The following PTPRD variants were observed in gnomAD, a reference collection of about 807,000 sequenced individuals.
PTPRD encodes the protein receptor-type tyrosine-protein phosphatase delta.
Under a neutral mutation model 214.5 loss-of-function variants are expected in PTPRD, and 34 were observed. That is an observed-to-expected ratio of 0.16 (90% CI 0.12 to 0.21). The LOEUF (loss-of-function observed/expected upper bound fraction) is 0.21. PTPRD is among the 10% of genes least tolerant of loss of function. The probability of loss-of-function intolerance (pLI) is 1.00; values close to 1 mark genes in which losing one functional copy is unlikely to be tolerated. For synonymous variants in PTPRD, 1,128 were observed against 845.7 expected, an observed-to-expected ratio of 1.33 and a Z score of -5.79; for missense variants, 2,545 against 2,398.7, an observed-to-expected ratio of 1.06 and a Z score of -1.27.
At chr9:10,485,892 T>C (rs1407538608) in intron 2 of PTPRD, among the ~76,000 whole-genome samples, 1 of 152,118 alleles carries the variant, frequency 6.6e-6, no homozygotes, top group African/African-American at 2.4e-5. Context: ...TAGATACTAA[T>C]AATCCTTTGA....
chr9:9,172,622 T>C (rs1346579041), intron 10 of PTPRD, among the ~76,000 whole-genome samples: 1 of 152,150 alleles, frequency 6.6e-6, no homozygotes, highest in Non-Finnish European at 1.5e-5. Context: ...CTTCTGTATG[T>C]TCCCTAGGCA....
At chr9:10,581,094 T>G (rs753207026) in intron 2 of PTPRD, among the ~76,000 whole-genome samples, 1 of 152,178 alleles carries the variant, frequency 6.6e-6, no homozygotes, top group Non-Finnish European at 1.5e-5. Context: ...ATGCCATCTC[T>G]GGGCTTCAAT....
At chr9:8,988,494 T>C (rs1389397240) in intron 11 of PTPRD, among the ~76,000 whole-genome samples, 1 of 152,096 alleles carries the variant, frequency 6.6e-6, no homozygotes, top group Non-Finnish European at 1.5e-5. Flanking sequence ...GGTCAGATAA[T>C]AAAATGCTTG....
chr9:9,021,810 A>G (rs2099570737), intron 10 of PTPRD, among the ~76,000 whole-genome samples: 1 of 152,200 alleles, frequency 6.6e-6, no homozygotes, highest in African/African-American at 2.4e-5. Context: ...TAGAATGATA[A>G]TACAAAGAAA....
chr9:9,019,929 C>A (rs932906369), intron 10 of PTPRD, among the ~76,000 whole-genome samples: 3 of 151,920 alleles, frequency 2.0e-5, no homozygotes. Context: ...TTAACCTGGA[C>A]TCTATGTGAA....
Position 8,527,372 on chromosome 9 carries a change from A to G in PTPRD, c.542-19T>C. On this transcript the variant is annotated intron_variant, in intron 15 of 45. Coordinates refer to ENST00000381196, the MANE Select transcript of PTPRD (RefSeq NM_002839.4). ...ATAGATTCTGGAGATTTAAATACGG[A>G]GAGAAGAAAGACAGCATAAAAATAT... 1 of 1,605,322 alleles carries G rather than the reference A, an allele frequency of 6.2e-7. No homozygotes were observed. Among genetic ancestry groups the G allele is most frequent in the Non-Finnish European group, 8.5e-7 (1 of 1,175,274 alleles).
intron 7 of PTPRD, among the ~76,000 whole-genome samples, chr9:9,576,686 C>T (rs560289432): frequency 1.3e-5 from 2 of 152,142 alleles, no homozygotes; most frequent in South Asian, 4.2e-4. Context: ...TAAATATTAC[C>T]ATTGTAGAAT....
Position 8,813,269 on chromosome 9 carries a change from G to T in PTPRD, c.-103-79323C>A, listed in dbSNP as rs183644688. ...GAGGAAGCATTGAGGAAGGGCGGGG[G>T]GGCAGAGGCTGGAGGAAGAGGCCAG... is the stretch of plus-strand genomic sequence containing the variant. On this transcript the variant is annotated intron_variant, in intron 11 of 45. Transcript: ENST00000381196. Among the ~76,000 whole-genome samples the T allele has an allele frequency of 1.8e-3, 275 of 151,880 alleles. 1 individual carries two copies. Among genetic ancestry groups the T allele is most frequent in the African/African-American group, 6.4e-3 (264 of 41,302 alleles).
chr9:9,381,479 G>A (rs1307493504), intron 9 of PTPRD, among the ~76,000 whole-genome samples: 1 of 150,734 alleles, frequency 6.6e-6, no homozygotes, highest in Non-Finnish European at 1.5e-5. Flanking sequence ...TCTCACTATG[G>A]CCTCCTGTGT....
chr9:10,064,875 T>C (rs541252376), intron 3 of PTPRD, among the ~76,000 whole-genome samples: 14 of 152,122 alleles, frequency 9.2e-5, no homozygotes, highest in African/African-American at 2.6e-4. Flanking sequence ...AGAGTTGCTA[T>C]TTTATGGCCT....
At chr9:8,872,991 A>T (rs930246) in intron 11 of PTPRD, among the ~76,000 whole-genome samples, 6 of 152,072 alleles carry the variant, frequency 3.9e-5, no homozygotes, top group Non-Finnish European at 8.8e-5. Context: ...TGAAGTGAGA[A>T]TTATTTTATG....
At chr9:9,334,101 T>A (rs1277046548) in intron 9 of PTPRD, among the ~76,000 whole-genome samples, 1 of 151,982 alleles carries the variant, frequency 6.6e-6, no homozygotes, top group Admixed American at 6.6e-5. Flanking sequence ...TAATGTATAC[T>A]TCATATTAAG....
intron 14 of PTPRD, among the ~76,000 whole-genome samples, chr9:8,603,878 GA>G (rs1234459573): frequency 2.0e-5 from 3 of 152,128 alleles, no homozygotes; most frequent in Non-Finnish European, 2.9e-5. Flanking sequence ...CTAATTAGAA[GA>G]AAGGCTACAA....
chr9:9,781,374 T>C (rs1297692556), intron 5 of PTPRD, among the ~76,000 whole-genome samples: 3 of 152,166 alleles, frequency 2.0e-5, no homozygotes, highest in Non-Finnish European at 2.9e-5. Context: ...TATGATTTTA[T>C]AAACATTCGA....
intron 11 of PTPRD, chr9:8,859,833 A>G (rs2098064618): frequency 6.7e-6 from 1 of 148,808 alleles, no homozygotes; most frequent in Non-Finnish European, 1.5e-5. Flanking sequence ...TCCCTGCATG[A>G]TTGTCTCTTG....
intron 3 of PTPRD, among the ~76,000 whole-genome samples, chr9:10,070,646 A>G (rs1238492800): frequency 6.6e-6 from 1 of 152,088 alleles, no homozygotes; most frequent in African/African-American, 2.4e-5. Flanking sequence ...TTTAATTAAT[A>G]ACAGAAGTAT....
intron 2 of PTPRD, among the ~76,000 whole-genome samples, chr9:10,485,990 C>A (rs777971711): frequency 7.3e-5 from 11 of 150,646 alleles, no homozygotes; most frequent in Non-Finnish European, 1.0e-4. Context: ...TGTCTTCTTT[C>A]GAGGAGTGTC....
chr9:8,628,506 A>G (rs535933274), intron 14 of PTPRD, among the ~76,000 whole-genome samples: 107 of 151,794 alleles, frequency 7.0e-4, no homozygotes, highest in Non-Finnish European at 1.3e-3. Context: ...TCCATCTTGC[A>G]AGAACTGACT....
At chr9:10,382,942 C>G (rs1175241136) in intron 2 of PTPRD, among the ~76,000 whole-genome samples, 1 of 148,924 alleles carries the variant, frequency 6.7e-6, no homozygotes, top group East Asian at 2.0e-4. Flanking sequence ...CCCTTTAGTT[C>G]TCCAAGGGAC....
Sources: allele counts gnomAD v4.1 joint callset (sites outside exome capture counted in the v4.1 genomes callset), GRCh38; gene constraint gnomAD v4.1.1; transcripts MANE v1.5; gene names NCBI Gene and HGNC (gene_info 2026-07-23, HGNC 2026-07-21).